Variants in PCSK6 observed in about 807,000 individuals in gnomAD.
The protein encoded by PCSK6 is paired basic amino acid cleaving enzyme 4.
In PCSK6, 85 loss-of-function variants were observed where a neutral mutation model predicts 123.3. The observed-to-expected ratio is 0.69, with a 90% CI of 0.58 to 0.83. PCSK6 has a LOEUF of 0.83. Among genes scored for constraint, PCSK6 ranks in the 40% least tolerant of loss-of-function variants. PCSK6 has a pLI of 0.00. For missense variants in PCSK6, 1,191 were observed against 1,282.3 expected, an observed-to-expected ratio of 0.93 and a Z score of 1.09; for synonymous variants, 508 against 516.0, an observed-to-expected ratio of 0.98 and a Z score of 0.21.
intron 1 of PCSK6, among the ~76,000 whole-genome samples, chr15:101,453,131 G>A (rs1265738359): frequency 6.6e-5 from 10 of 152,164 alleles, no homozygotes; most frequent in Non-Finnish European, 1.0e-4. Context: ...GAGAAGCGGC[G>A]ACAGACTGCT....
chr15:101,448,070 A>T (rs1483056168), intron 1 of PCSK6, among the ~76,000 whole-genome samples: 1 of 152,272 alleles, frequency 6.6e-6, no homozygotes. Flanking sequence ...TTGTAATGTC[A>T]TAACATGAAA....
intron 18 of PCSK6, among the ~76,000 whole-genome samples, chr15:101,320,251 A>AT (rs1017077856): frequency 6.6e-5 from 10 of 151,552 alleles, no homozygotes; most frequent in Non-Finnish European, 1.2e-4. Context: ...ATGTCTGGCT[A>AT]TTTTTTTTAT....
intron 20 of PCSK6, chr15:101,307,531 G>A (rs2039754085): frequency 1.3e-5 from 7 of 521,628 alleles, no homozygotes; most frequent in East Asian, 3.3e-5. Context: ...CTATTGCCCT[G>A]GGAGGGCAGA....
At chr15:101,478,726 G>A (rs2057794556) in intron 1 of PCSK6, among the ~76,000 whole-genome samples, 1 of 152,204 alleles carries the variant, frequency 6.6e-6, no homozygotes, top group South Asian at 2.1e-4. Flanking sequence ...CAGAGTCCCT[G>A]CAGGTGACAC....
chr15:101,409,606 G>C (rs1361622549), intron 6 of PCSK6, among the ~76,000 whole-genome samples: 2 of 146,082 alleles, frequency 1.4e-5, no homozygotes, highest in East Asian at 3.9e-4. Flanking sequence ...AAAAATGCAG[G>C]GAAAGTGTAC....
intron 13 of PCSK6, chr15:101,337,376 G>A (rs1405077182): frequency 6.6e-6 from 1 of 152,156 alleles, no homozygotes; most frequent in Non-Finnish European, 1.5e-5. Flanking sequence ...GCCTTTGGAA[G>A]ACGTAAAAAT....
chr15:101,431,505 T>G, intron 3 of PCSK6, 42 bp from the exon 4 acceptor site: 1 of 1,611,782 alleles, frequency 6.2e-7, no homozygotes. Context: ...ACATGGACAT[T>G]CCAGATGCAG....
At chr15:101,437,773 G>A (rs774258653) in intron 2 of PCSK6, among the ~76,000 whole-genome samples, 89 of 151,700 alleles carry the variant, frequency 5.9e-4, no homozygotes, top group Middle Eastern at 3.4e-3. Context: ...TCTCCCCACC[G>A]CCCGCCACCC....
rs368728468 is a variant in PCSK6 at position 101,431,306 on chromosome 15, G to A, written c.657+14C>T. 3.0e-4 allele frequency: 489 copies of A among 1,613,544 alleles called. 1 individual carries two copies. Among genetic ancestry groups the A allele is most frequent in the Non-Finnish European group, 3.8e-4 (444 of 1,179,528 alleles). ...TTGAATATATTTGCATGTCAGTTCCGAGGATTGACTTACATAATTTGGGGC... is the reference window on the plus strand; with the variant it reads ...TTGAATATATTTGCATGTCAGTTCCAAGGATTGACTTACATAATTTGGGGC... On this transcript the variant is annotated intron_variant, in intron 4 of 21. Coordinates refer to ENST00000611716, the MANE Select transcript of PCSK6 (RefSeq NM_002570.5).
Position 101,366,301 on chromosome 15 carries a change from T to G in PCSK6, c.1753A>C (p.Asn585His). The G allele has an allele frequency of 6.2e-7, 1 of 1,613,314 alleles. No homozygotes were observed. Among genetic ancestry groups the G allele is most frequent in the Non-Finnish European group, 8.5e-7 (1 of 1,179,610 alleles). ...LLDLSNEGFT[N>H]WEFMTVHCWG... is the part of the protein sequence containing the mutation. ...CAGTGGACAGTCATGAATTCCCAGT[T>G]TGTAAACCCTTCATTGGAAAGATCC... The change falls in exon 13 of 22, where the codon AAC (asparagine) becomes CAC (histidine). Residue 585 changes from asparagine to histidine, a missense_variant. Around this residue, in one of 3 missense-constraint regions of PCSK6, gnomAD observed 630 missense variants for 631.4 expected, o/e 1.00. Coordinates refer to ENST00000611716, the MANE Select transcript of PCSK6 (RefSeq NM_002570.5).
At chr15:101,436,563 A>G (rs2056607529) in intron 2 of PCSK6, among the ~76,000 whole-genome samples, 1 of 152,240 alleles carries the variant, frequency 6.6e-6, no homozygotes, top group Non-Finnish European at 1.5e-5. Flanking sequence ...GTCGGAGGCC[A>G]TACCTCGGCA....
chr15:101,362,765 C>T (rs2041271407), intron 13 of PCSK6, among the ~76,000 whole-genome samples: 1 of 152,200 alleles, frequency 6.6e-6, no homozygotes, highest in South Asian at 2.1e-4. Context: ...AAGTGACTTG[C>T]CAAGGTCACA....
chr15:101,319,533 G>A (rs865990660), intron 18 of PCSK6, among the ~76,000 whole-genome samples: 1 of 152,250 alleles, frequency 6.6e-6, no homozygotes, highest in Admixed American at 6.5e-5. Context: ...CTAGACAGGG[G>A]CTGGCTGCCA....
intron 1 of PCSK6, among the ~76,000 whole-genome samples, chr15:101,458,683 T>A (rs551587443): frequency 6.6e-6 from 1 of 152,250 alleles, no homozygotes; most frequent in Non-Finnish European, 1.5e-5. Flanking sequence ...GGCTCCTCGC[T>A]CCTTCCGAAG....
chr15:101,408,784 T>C (rs950648640), intron 6 of PCSK6, among the ~76,000 whole-genome samples: 1 of 152,252 alleles, frequency 6.6e-6, no homozygotes, highest in African/African-American at 2.4e-5. Flanking sequence ...AACTGCTTAA[T>C]GGAAACACTA....
At chr15:101,389,254 G>A (rs59311420) in intron 9 of PCSK6, among the ~76,000 whole-genome samples, 30,876 of 152,110 alleles carry the variant, frequency 0.2, 3,887 homozygotes, top group African/African-American at 0.36. Context: ...TGACTAACCT[G>A]GGCAGCTGCT....
intron 13 of PCSK6, among the ~76,000 whole-genome samples, chr15:101,335,627 C>T (rs2040461263): frequency 6.6e-6 from 1 of 152,170 alleles, no homozygotes; most frequent in Non-Finnish European, 1.5e-5. Context: ...TTGAGTTTTC[C>T]ATTAACAGTG....
intron 13 of PCSK6, chr15:101,347,589 T>C (rs1030): frequency 0.69 from 1,020,067 of 1,473,378 alleles, 355,024 homozygotes; most frequent in East Asian, 0.81. Flanking sequence ...TCAACAACTG[T>C]TTGTGAGCCA....
intron 13 of PCSK6, among the ~76,000 whole-genome samples, chr15:101,333,634 CTG>C: frequency 6.6e-6 from 1 of 152,358 alleles, no homozygotes; most frequent in East Asian, 1.9e-4. Flanking sequence ...CTTTACATAC[CTG>C]CCTATGCACT....
Sources: allele counts gnomAD v4.1 joint callset (sites outside exome capture counted in the v4.1 genomes callset), GRCh38; gene constraint gnomAD v4.1.1; regional missense constraint gnomAD v4.1.1; transcripts MANE v1.5; gene names NCBI Gene and HGNC (gene_info 2026-07-23, HGNC 2026-07-21).